RHBDD1: variants seen among roughly 807,000 people sequenced by gnomAD.
The protein encoded by RHBDD1 is rhomboid domain containing 1.
Under a neutral mutation model 36.3 loss-of-function variants are expected in RHBDD1, and 38 were observed. The observed-to-expected ratio is 1.05, with a 90% CI of 0.81 to 1.37. The LOEUF (loss-of-function observed/expected upper bound fraction) is 1.37. RHBDD1 is among the 40% of genes most tolerant of loss of function. RHBDD1 has a pLI of 0.00. For missense variants in RHBDD1, 393 were observed against 377.6 expected (o/e 1.04, Z -0.34); for synonymous variants, 151 against 136.5 (o/e 1.11, Z -0.74).
intron 8 of RHBDD1, among the ~76,000 whole-genome samples, chr2:226,922,953 CT>C (rs1949428640): frequency 6.6e-6 from 1 of 152,056 alleles, no homozygotes; most frequent in Non-Finnish European, 1.5e-5. Context: ...GCTTTTGTTT[CT>C]ACTTATATTT....
At chr2:226,862,192 G>GA (rs1943915932) in intron 3 of RHBDD1, among the ~76,000 whole-genome samples, 2 of 152,146 alleles carry the variant, frequency 1.3e-5, no homozygotes, top group Non-Finnish European at 1.5e-5. Context: ...TTATAGAAAT[G>GA]AAAGTAGTAG....
chr2:226,956,643 C>G (rs1276953515), intron 8 of RHBDD1, among the ~76,000 whole-genome samples: 1 of 152,190 alleles, frequency 6.6e-6, no homozygotes, highest in African/African-American at 2.4e-5. Context: ...CCAGAATCTT[C>G]TAATTATTAG....
intron 3 of RHBDD1, among the ~76,000 whole-genome samples, chr2:226,849,416 G>A (rs1456279600): frequency 6.6e-6 from 1 of 152,254 alleles, no homozygotes; most frequent in Non-Finnish European, 1.5e-5. Flanking sequence ...TGTCAGGAGG[G>A]AGTCAGGTTG....
intron 8 of RHBDD1, among the ~76,000 whole-genome samples, chr2:226,981,569 T>TACACACACAC (rs3055611): frequency 8.7e-4 from 131 of 150,274 alleles, no homozygotes; most frequent in African/African-American, 3.1e-3. Flanking sequence ...TGCACACACA[T>TACACACACAC]ACACACACAC....
chr2:226,927,078 T>C lies in RHBDD1; in HGVS notation c.856+12727T>C, dbSNP rs142821636. Among the ~76,000 whole-genome samples the C allele has an allele frequency of 6.7e-3, 1,020 of 152,154 alleles. 6 individuals are homozygous for C. Among genetic ancestry groups the C allele is most frequent in the Non-Finnish European group, 9.6e-3 (650 of 67,980 alleles). On this transcript the variant is annotated intron_variant, in intron 8 of 8. Coordinates refer to ENST00000392062, the MANE Select transcript of RHBDD1 (RefSeq NM_001167608.3). ...AGCACAGTTGTATCACTCCAGAAAA[T>C]TACCCATCACTCTCCCTTTGTAGTC...
intron 3 of RHBDD1, among the ~76,000 whole-genome samples, chr2:226,842,814 A>G (rs938709644): frequency 2.6e-5 from 4 of 152,218 alleles, no homozygotes; most frequent in Non-Finnish European, 5.9e-5. Flanking sequence ...TCTGCGAACA[A>G]TGTCAATGAA....
chr2:226,978,506 C>T (rs546969435), intron 8 of RHBDD1, among the ~76,000 whole-genome samples: 4 of 152,280 alleles, frequency 2.6e-5, no homozygotes, highest in South Asian at 2.1e-4. Flanking sequence ...TGCCCACCTA[C>T]GTCGAGCCTC....
At chr2:226,897,650 AAGAC>A (rs1470589742) in intron 5 of RHBDD1, among the ~76,000 whole-genome samples, 2 of 152,134 alleles carry the variant, frequency 1.3e-5, no homozygotes, top group Non-Finnish European at 2.9e-5. Context: ...AGGAAGAAGT[AAGAC>A]AGGCAGTGCC....
intron 8 of RHBDD1, among the ~76,000 whole-genome samples, chr2:226,945,401 C>A (rs1376025641): frequency 6.6e-6 from 1 of 151,928 alleles, no homozygotes; most frequent in Non-Finnish European, 1.5e-5. Context: ...TGAGTGAGAA[C>A]ATATGGTGTT....
At chr2:226,981,036 C>T (rs1955608031) in intron 8 of RHBDD1, among the ~76,000 whole-genome samples, 1 of 152,186 alleles carries the variant, frequency 6.6e-6, no homozygotes, top group African/African-American at 2.4e-5. Flanking sequence ...GTCTGAGACA[C>T]TCCTTGGCCT....
chr2:226,873,617 GA>G (rs915110660), intron 5 of RHBDD1, among the ~76,000 whole-genome samples: 1 of 152,192 alleles, frequency 6.6e-6, no homozygotes, highest in Non-Finnish European at 1.5e-5. Context: ...TAATGGAGCT[GA>G]AGAGCCTTGT....
intron 5 of RHBDD1, among the ~76,000 whole-genome samples, chr2:226,904,649 C>T (rs1947896069): frequency 6.6e-6 from 1 of 152,162 alleles, no homozygotes; most frequent in Non-Finnish European, 1.5e-5. Flanking sequence ...CTTTACAAGG[C>T]TCCTGTTTGT....
At chr2:226,865,250 G>A (rs952640024) in intron 4 of RHBDD1, 124 bp downstream of exon 4, 9 of 749,094 alleles carry the variant, frequency 1.2e-5, no homozygotes, top group Admixed American at 4.9e-5. Flanking sequence ...GAGGCTTTGC[G>A]TCTTGAAGAG....
rs114879631 is a variant in RHBDD1, at chr2:226,892,692, T to C, written c.567-14101T>C. 6.8e-3 allele frequency among the ~76,000 whole-genome samples: 1,035 copies of C among 152,332 alleles called. 4 individuals carry two copies. The highest frequency in any genetic ancestry group is 0.024 in the African/African-American group (983 of 41,566). ...GTAATTTGTGAGGTGTAGTCTTGCC[T>C]ACTCTCGAAATGTTTTTCTTATTGG... On this transcript the variant is annotated intron_variant, in intron 5 of 8. Coordinates refer to ENST00000392062, the MANE Select transcript of RHBDD1 (RefSeq NM_001167608.3).
At chr2:226,921,406 A>G (rs1418239888) in intron 8 of RHBDD1, among the ~76,000 whole-genome samples, 1 of 151,736 alleles carries the variant, frequency 6.6e-6, no homozygotes, top group Non-Finnish European at 1.5e-5. Flanking sequence ...TTGCTTTTCC[A>G]GTGGTTTAAG....
chr2:226,838,445 C>A (rs928756959), intron 2 of RHBDD1, among the ~76,000 whole-genome samples: 1 of 152,170 alleles, frequency 6.6e-6, no homozygotes, highest in African/African-American at 2.4e-5. Context: ...CTTGCCTCTG[C>A]TACTTAGTGA....
intron 8 of RHBDD1, among the ~76,000 whole-genome samples, chr2:226,916,924 G>T (rs1418010402): frequency 6.6e-6 from 1 of 152,082 alleles, no homozygotes; most frequent in East Asian, 1.9e-4. Flanking sequence ...AGTAATTTGG[G>T]CTCAGAGACA....
At chr2:226,892,500 G>A (rs1420088672) in intron 5 of RHBDD1, among the ~76,000 whole-genome samples, 1 of 152,132 alleles carries the variant, frequency 6.6e-6, no homozygotes, top group Non-Finnish European at 1.5e-5. Context: ...ACTGACTTGA[G>A]GTATCAGGTT....
At chr2:226,958,501 A>G (rs1951938513) in intron 8 of RHBDD1, among the ~76,000 whole-genome samples, 1 of 152,206 alleles carries the variant, frequency 6.6e-6, no homozygotes, top group Admixed American at 6.5e-5. Context: ...AATATCATAA[A>G]AAGCATTGAA....
Sources: gnomAD v4.1 joint callset for allele counts (sites outside exome capture counted in the v4.1 genomes callset) on GRCh38, gnomAD v4.1.1 for gene constraint, MANE v1.5 for transcripts, NCBI Gene and HGNC (gene_info 2026-07-23, HGNC 2026-07-21) for gene names.